PLPPR1: variants seen among roughly 807,000 people sequenced by gnomAD.
The protein encoded by PLPPR1 is phospholipid phosphatase related 1.
PLPPR1 carries 10 observed loss-of-function variants against 33.1 expected under a neutral mutation model. The observed-to-expected ratio is 0.30, with a 90% CI of 0.19 to 0.51. The LOEUF (loss-of-function observed/expected upper bound fraction) is 0.51. Ranked by LOEUF, PLPPR1 falls within the 20% of genes least tolerant of loss-of-function variation. The probability of loss-of-function intolerance (pLI) is 0.97; values close to 1 mark genes in which losing one functional copy is unlikely to be tolerated. For missense variants in PLPPR1, 304 were observed against 408.1 expected, an observed-to-expected ratio of 0.74 and a Z score of 2.20; for synonymous variants, 151 against 151.0, an observed-to-expected ratio of 1.00 and a Z score of 0.00.
intron 3 of PLPPR1, among the ~76,000 whole-genome samples, chr9:101,279,502 C>T (rs1022846817): frequency 2.0e-5 from 3 of 152,204 alleles, no homozygotes; most frequent in African/African-American, 7.2e-5. Context: ...TAAAACATTT[C>T]ATCCAGTGGG....
At chr9:101,059,088 GT>G (rs1388914474) in intron 1 of PLPPR1, among the ~76,000 whole-genome samples, 1 of 152,056 alleles carries the variant, frequency 6.6e-6, no homozygotes, top group Non-Finnish European at 1.5e-5. Context: ...CAGCAAGGGA[GT>G]TTTTCATTGC....
At chr9:101,246,085 TATATATATATATATATATATATATAG>T (rs1323503145) in intron 2 of PLPPR1, among the ~76,000 whole-genome samples, 3 of 105,762 alleles carry the variant, frequency 2.8e-5, no homozygotes, top group African/African-American at 1.2e-4. Context: ...TATATATATA[TATATATATATATATATATATATATAG>T]ATAGATAGAT....
At chr9:101,239,060 A>AGTGTGTGTGT (rs60620773) in intron 2 of PLPPR1, among the ~76,000 whole-genome samples, 1 of 147,434 alleles carries the variant, frequency 6.8e-6, no homozygotes, top group African/African-American at 2.5e-5. Flanking sequence ...AATTTCATTG[A>AGTGTGTGTGT]GTGTGTGTGT....
chr9:101,266,412 G>A (rs55640816), intron 2 of PLPPR1, among the ~76,000 whole-genome samples: 40,904 of 128,012 alleles, frequency 0.32, 7,049 homozygotes, highest in African/African-American at 0.43. Flanking sequence ...AAAAAAGAAA[G>A]AAAGAAAGAA....
intron 2 of PLPPR1, among the ~76,000 whole-genome samples, chr9:101,247,623 A>T (rs1004173961): frequency 1.3e-5 from 2 of 151,924 alleles, no homozygotes; most frequent in Admixed American, 1.3e-4. Context: ...CTAATGTCTG[A>T]ATCTTGCCTT....
intron 1 of PLPPR1, among the ~76,000 whole-genome samples, chr9:101,047,500 T>C (rs541150950): frequency 6.6e-6 from 1 of 152,370 alleles, no homozygotes; most frequent in South Asian, 2.1e-4. Flanking sequence ...ATACCTACTC[T>C]GCCTTATTGT....
chr9:101,256,804 G>C (rs563833608), intron 2 of PLPPR1, among the ~76,000 whole-genome samples: 1 of 151,960 alleles, frequency 6.6e-6, no homozygotes, highest in Non-Finnish European at 1.5e-5. Flanking sequence ...GAGGTCAATG[G>C]TTCAATGATC....
intron 2 of PLPPR1, among the ~76,000 whole-genome samples, chr9:101,230,965 G>A (rs1020047524): frequency 6.6e-6 from 1 of 151,810 alleles, no homozygotes; most frequent in African/African-American, 2.4e-5. Context: ...TAAAAAGGAA[G>A]GAATCTAGCT....
At chr9:101,085,768 T>A (rs1036389903) in intron 1 of PLPPR1, among the ~76,000 whole-genome samples, 1 of 152,250 alleles carries the variant, frequency 6.6e-6, no homozygotes, top group Non-Finnish European at 1.5e-5. Flanking sequence ...CTGGAGGCAC[T>A]GGGGTAATCC....
chr9:101,062,149 GGTGTGT>G lies in PLPPR1; in HGVS notation c.-46+33082_-46+33087del, dbSNP rs56998660. On this transcript the variant is annotated intron_variant, in intron 1 of 7. Transcript: ENST00000374874. ...GCATTCACAGTTAATGACAAAATGTGGTGTGTGTGTGTGTGTGTGTGTGTGTGTGTG... is the reference window on the plus strand; with the variant it reads ...GCATTCACAGTTAATGACAAAATGTGGTGTGTGTGTGTGTGTGTGTGTGTG... Among the ~76,000 whole-genome samples, 102 of 148,548 alleles carry G rather than the reference GGTGTGT, an allele frequency of 6.9e-4. 1 individual carries two copies. Among genetic ancestry groups the G allele is most frequent in the African/African-American group, 2.0e-3 (80 of 40,382 alleles).
chr9:101,082,865 T>C (rs1830637513), intron 1 of PLPPR1, among the ~76,000 whole-genome samples: 1 of 152,140 alleles, frequency 6.6e-6, no homozygotes, highest in Admixed American at 6.5e-5. Flanking sequence ...CCTCTTAGGG[T>C]TGCTGTGAAG....
chr9:101,230,540 A>C lies in PLPPR1; in HGVS notation c.64-39340A>C, dbSNP rs571302246. ...AGCTACCACAGGAAATATGTGTTCTAGTCTGTTCCTTCTGTGTGGAAAAGG... is the reference window on the plus strand; with the variant it reads ...AGCTACCACAGGAAATATGTGTTCTCGTCTGTTCCTTCTGTGTGGAAAAGG... On this transcript the variant is annotated intron_variant, in intron 2 of 7. Coordinates refer to ENST00000374874, the MANE Select transcript of PLPPR1 (RefSeq NM_207299.2). Among the ~76,000 whole-genome samples, 3 of 152,218 alleles carry C rather than the reference A, an allele frequency of 2.0e-5. No individual in the cohort carries two copies. In the East Asian group the frequency reaches 5.8e-4, roughly 29 times the overall value.
chr9:101,280,337 A>T (rs972227459), intron 3 of PLPPR1, among the ~76,000 whole-genome samples: 7 of 152,202 alleles, frequency 4.6e-5, no homozygotes, highest in Admixed American at 2.0e-4. Flanking sequence ...TGATGGTTTC[A>T]CTATTGAATT....
intron 2 of PLPPR1, among the ~76,000 whole-genome samples, chr9:101,227,539 T>A (rs1419846404): frequency 6.6e-6 from 1 of 152,188 alleles, no homozygotes; most frequent in Non-Finnish European, 1.5e-5. Flanking sequence ...TAGTAGATTC[T>A]GGACATTAGA....
At chr9:101,148,918 T>C (rs1013421055) in intron 1 of PLPPR1, among the ~76,000 whole-genome samples, 5 of 152,160 alleles carry the variant, frequency 3.3e-5, no homozygotes, top group Non-Finnish European at 7.4e-5. Flanking sequence ...AATCTGTCTG[T>C]AATTCCAATG....
At chr9:101,082,422 GATTTTT>G (rs1218205902) in intron 1 of PLPPR1, among the ~76,000 whole-genome samples, 1 of 152,086 alleles carries the variant, frequency 6.6e-6, no homozygotes, top group Non-Finnish European at 1.5e-5. Flanking sequence ...CCAAGGAGGG[GATTTTT>G]ATTTTTATTT....
At chr9:101,221,595 C>A (rs1826940469) in intron 2 of PLPPR1, among the ~76,000 whole-genome samples, 1 of 152,134 alleles carries the variant, frequency 6.6e-6, no homozygotes, top group South Asian at 2.1e-4. Context: ...TCACATACAC[C>A]ATATTATTTC....
At chr9:101,079,535 C>T (rs1358883748) in intron 1 of PLPPR1, among the ~76,000 whole-genome samples, 1 of 151,018 alleles carries the variant, frequency 6.6e-6, no homozygotes, top group African/African-American at 2.4e-5. Flanking sequence ...CTCACTATTT[C>T]CTTCACATCT....
At chr9:101,059,344 A>G (rs1830316151) in intron 1 of PLPPR1, among the ~76,000 whole-genome samples, 1 of 152,158 alleles carries the variant, frequency 6.6e-6, no homozygotes, top group African/African-American at 2.4e-5. Flanking sequence ...TGTGTGAATC[A>G]TTCAGGGTTT....
Sources: allele counts gnomAD v4.1 joint callset (sites outside exome capture counted in the v4.1 genomes callset), GRCh38; gene constraint gnomAD v4.1.1; transcripts MANE v1.5; gene names NCBI Gene and HGNC (gene_info 2026-07-23, HGNC 2026-07-21).